ALG6: variants seen among roughly 807,000 people sequenced by gnomAD.
ALG6 encodes dolichyl pyrophosphate Man9GlcNAc2 alpha-1,3-glucosyltransferase.
Under a neutral mutation model 66.6 loss-of-function variants are expected in ALG6, and 46 were observed. The ratio of observed to expected loss-of-function variants is 0.69; its 90% confidence interval spans 0.55 to 0.88. ALG6 has a LOEUF of 0.88. Ranked by LOEUF, ALG6 falls within the 40% of genes least tolerant of loss-of-function variation. The pLI is 0.00. For missense variants in ALG6, 505 were observed against 586.8 expected, an observed-to-expected ratio of 0.86 and a Z score of 1.44; for synonymous variants, 185 against 203.7, an observed-to-expected ratio of 0.91 and a Z score of 0.78.
At chr1:63,424,307 A>G (rs1363840162) in intron 12 of ALG6, among the ~76,000 whole-genome samples, 1 of 151,898 alleles carries the variant, frequency 6.6e-6, no homozygotes, top group Non-Finnish European at 1.5e-5. Flanking sequence ...CACCTGGCTA[A>G]TTTTTGCATT....
At chr1:63,406,282 G>A in intron 5 of ALG6, 35 bp from the exon 6 acceptor site, 2 of 1,569,608 alleles carry the variant, frequency 1.3e-6, no homozygotes, top group South Asian at 2.2e-5. Context: ...AATCCTGATG[G>A]ACTCATGTTT....
rs977607119 is a variant in ALG6 at position 63,430,667 on chromosome 1, G to A, written c.1326+1541G>A. Among the ~76,000 whole-genome samples the A allele has an allele frequency of 4.6e-5, 7 of 152,258 alleles. No individual in the cohort carries two copies. In the South Asian group the frequency reaches 1.2e-3, roughly 27 times the overall value. ...CTAATGATGTTGAACATCTTTTCAT[G>A]TGCTTATCGGCCATTTGTATATCTT... is the stretch of plus-strand genomic sequence containing the variant. On this transcript the variant is annotated intron_variant, in intron 14 of 14. Coordinates refer to ENST00000263440, the MANE Select transcript of ALG6 (RefSeq NM_013339.4).
chr1:63,384,143 T>C (rs891309638), intron 2 of ALG6, among the ~76,000 whole-genome samples: 4 of 152,236 alleles, frequency 2.6e-5, no homozygotes, highest in Non-Finnish European at 5.9e-5. Flanking sequence ...CTTTTCAATA[T>C]ATGGATTTCC....
At chr1:63,368,756 C>T (rs1333457202) in intron 1 of ALG6, among the ~76,000 whole-genome samples, 8 of 152,302 alleles carry the variant, frequency 5.3e-5, no homozygotes, top group African/African-American at 1.9e-4. Context: ...CTGCCTCGGC[C>T]TCCCAAAGTG....
intron 11 of ALG6, among the ~76,000 whole-genome samples, chr1:63,417,995 C>T (rs1034870135): frequency 6.6e-6 from 1 of 151,830 alleles, no homozygotes; most frequent in Non-Finnish European, 1.5e-5. Flanking sequence ...ATTTGCCAGG[C>T]GTCGTGGTTC....
At chr1:63,409,564 T>A (rs1644506488) in intron 7 of ALG6, among the ~76,000 whole-genome samples, 1 of 152,230 alleles carries the variant, frequency 6.6e-6, no homozygotes, top group African/African-American at 2.4e-5. Context: ...GGTATATTTT[T>A]AATTTCTAAT....
chr1:63,373,855 C>T (rs1316643666), intron 2 of ALG6, among the ~76,000 whole-genome samples: 5 of 151,578 alleles, frequency 3.3e-5, no homozygotes, highest in African/African-American at 9.7e-5. Context: ...CTCCTGGGCT[C>T]GAGCAATACT....
intron 11 of ALG6, among the ~76,000 whole-genome samples, chr1:63,418,978 T>G (rs1557593686): frequency 6.6e-6 from 1 of 152,222 alleles, no homozygotes; most frequent in Non-Finnish European, 1.5e-5. Context: ...GTGCATGTTT[T>G]AAAACACCAA....
chr1:63,434,437 G>GT (rs2100445777), intron 14 of ALG6, among the ~76,000 whole-genome samples: 1 of 152,238 alleles, frequency 6.6e-6, no homozygotes, highest in South Asian at 2.1e-4. Flanking sequence ...GAGACCAAGA[G>GT]TTTTTTACAT....
At chr1:63,389,364 G>A (rs1648599079) in intron 2 of ALG6, among the ~76,000 whole-genome samples, 1 of 152,116 alleles carries the variant, frequency 6.6e-6, no homozygotes. Context: ...TTCTGCTGTT[G>A]AGAGACTCTG....
Position 63,437,028 on chromosome 1 carries a change from C to A in ALG6, c.*8C>A. ...CAGAAGAAAATCAGCTAGCTGTATTCCTAAACAAATTGTTTCCTAAACAAA... is the reference window on the plus strand; with the variant it reads ...CAGAAGAAAATCAGCTAGCTGTATTACTAAACAAATTGTTTCCTAAACAAA... On this transcript the variant is annotated 3_prime_UTR_variant, in exon 15 of 15. Transcript: ENST00000263440. 1 of 1,609,708 alleles carries A rather than the reference C, an allele frequency of 6.2e-7. No individual in the cohort carries two copies. Among genetic ancestry groups the A allele is most frequent in the South Asian group, 1.1e-5 (1 of 90,742 alleles).
chr1:63,422,124 T>A (rs1644578025), intron 12 of ALG6, among the ~76,000 whole-genome samples: 2 of 74,338 alleles, frequency 2.7e-5, no homozygotes, highest in Non-Finnish European at 2.5e-5. Context: ...TATAAATATA[T>A]AAATAAATAT....
chr1:63,368,739 G>A (rs968939539), intron 1 of ALG6, among the ~76,000 whole-genome samples: 2 of 152,140 alleles, frequency 1.3e-5, no homozygotes, highest in African/African-American at 4.8e-5. Flanking sequence ...GACCTCAGGT[G>A]ATCCACCTGC....
At chr1:63,379,947 C>T (rs1648251096) in intron 2 of ALG6, among the ~76,000 whole-genome samples, 1 of 151,824 alleles carries the variant, frequency 6.6e-6, no homozygotes, top group Non-Finnish European at 1.5e-5. Context: ...GGTTAATAGA[C>T]ATGATGGTTG....
At chr1:63,422,462 A>AATAT (rs1269357907) in intron 12 of ALG6, among the ~76,000 whole-genome samples, 2 of 123,718 alleles carry the variant, frequency 1.6e-5, no homozygotes, top group African/African-American at 6.5e-5. Context: ...TATAAATATA[A>AATAT]ATATATATAT....
At chr1:63,399,807 T>TA (rs1464481384) in intron 3 of ALG6, among the ~76,000 whole-genome samples, 3 of 152,182 alleles carry the variant, frequency 2.0e-5, no homozygotes, top group African/African-American at 7.2e-5. Flanking sequence ...ATTTTTTTTT[T>TA]ACTTACTAAA....
chr1:63,405,692 AC>A (rs1326654169), intron 5 of ALG6, among the ~76,000 whole-genome samples: 2 of 152,070 alleles, frequency 1.3e-5, no homozygotes, highest in African/African-American at 4.8e-5. Context: ...GTTTACTGTC[AC>A]CTTTTTCTTG....
intron 5 of ALG6, 101 bp from the exon 6 acceptor site, chr1:63,406,215 CT>C: frequency 9.6e-7 from 1 of 1,046,674 alleles, no homozygotes; most frequent in Non-Finnish European, 1.5e-6. Context: ...GGGCAAGAAC[CT>C]TGTGTTAATG....
In ALG6 at chr1:63,389,165, C is replaced by T. The variant is rs919642853; in HGVS notation, c.83-7348C>T. ...TATCCCTTTGAATAAACTTTCTACC[C>T]TGATCTCTCTCTCTCTCTCTATTAC... On this transcript the variant is annotated intron_variant, in intron 2 of 14. Coordinates refer to ENST00000263440, the MANE Select transcript of ALG6 (RefSeq NM_013339.4). Among the ~76,000 whole-genome samples the T allele has an allele frequency of 6.6e-5, 10 of 152,230 alleles. No homozygotes were observed. The South Asian group carries it at 1.7e-3, about 25-fold the overall frequency.
Sources: allele counts gnomAD v4.1 joint callset (sites outside exome capture counted in the v4.1 genomes callset), GRCh38; gene constraint gnomAD v4.1.1; transcripts MANE v1.5; gene names NCBI Gene and HGNC (gene_info 2026-07-23, HGNC 2026-07-21).